The following GSK3B variants were observed in gnomAD, a reference collection of about 807,000 sequenced individuals.
GSK3B encodes glycogen synthase kinase-3 beta.
In GSK3B, 15 loss-of-function variants were observed where a neutral mutation model predicts 56.4. That is an observed-to-expected ratio of 0.27 (90% CI 0.18 to 0.41). The LOEUF is 0.41. Among genes scored for constraint, GSK3B ranks in the 10% least tolerant of loss-of-function variants. The pLI is 1.00. For missense variants in GSK3B, 300 were observed against 513.4 expected, an observed-to-expected ratio of 0.58 and a Z score of 4.02; for synonymous variants, 181 against 188.9, an observed-to-expected ratio of 0.96 and a Z score of 0.34.
intron 1 of GSK3B, among the ~76,000 whole-genome samples, chr3:120,031,388 T>G (rs2057974024): frequency 6.6e-6 from 1 of 152,160 alleles, no homozygotes; most frequent in Non-Finnish European, 1.5e-5. Context: ...GCTTTAGTAC[T>G]AATAATACAA....
At chr3:120,002,344 A>T (rs538791013) in intron 1 of GSK3B, 105 bp from the exon 2 acceptor site, 118 of 451,728 alleles carry the variant, frequency 2.6e-4, no homozygotes, top group Non-Finnish European at 3.2e-4. Flanking sequence ...TTTTTATTTT[A>T]TTTTTTTTTT....
intron 1 of GSK3B, among the ~76,000 whole-genome samples, chr3:120,022,233 T>C (rs1236818557): frequency 6.6e-6 from 1 of 152,200 alleles, no homozygotes; most frequent in African/African-American, 2.4e-5. Flanking sequence ...AAGATGACTA[T>C]TCGCTGAAGG....
chr3:119,897,793 C>CAAAAAAAAAAAAAAAAAA (rs11464173), intron 7 of GSK3B, among the ~76,000 whole-genome samples: 2 of 73,144 alleles, frequency 2.7e-5, no homozygotes, highest in African/African-American at 8.3e-5. Flanking sequence ...GACTCTGTCT[C>CAAAAAAAAAAAAAAAAAA]AAAAAAAAAA....
chr3:119,902,078 A>C (rs1212988468), intron 7 of GSK3B, among the ~76,000 whole-genome samples: 1 of 151,264 alleles, frequency 6.6e-6, no homozygotes, highest in African/African-American at 2.5e-5. Flanking sequence ...AAACGTGAGA[A>C]CTGAACTGGG....
intron 1 of GSK3B, among the ~76,000 whole-genome samples, chr3:120,047,675 G>A (rs2058114926): frequency 3.9e-5 from 6 of 152,194 alleles, no homozygotes; most frequent in Admixed American, 3.3e-4. Flanking sequence ...ACTATGCTGA[G>A]CAATGGAACA....
chr3:119,967,097 T>C (rs1576235393), intron 2 of GSK3B, among the ~76,000 whole-genome samples: 1 of 151,582 alleles, frequency 6.6e-6, no homozygotes. Context: ...TTTTTTTTTT[T>C]AGACGGAGTC....
intron 2 of GSK3B, among the ~76,000 whole-genome samples, chr3:119,990,482 T>C (rs2057554299): frequency 1.3e-5 from 2 of 152,212 alleles, no homozygotes; most frequent in South Asian, 2.1e-4. Flanking sequence ...ACTCTTACAA[T>C]AGATATGCTC....
chr3:119,953,998 TACAGAC>T lies in GSK3B; in HGVS notation c.283-6653_283-6648del, dbSNP rs1377462760. Among the ~76,000 whole-genome samples the T allele has an allele frequency of 5.3e-5, 8 of 152,226 alleles. No homozygotes were observed. The East Asian group carries it at 7.7e-4, about 15-fold the overall frequency. On this transcript the variant is annotated intron_variant, in intron 2 of 10. Coordinates refer to ENST00000264235, the MANE Select transcript of GSK3B (RefSeq NM_001146156.2). Reference sequence around the variant, plus strand: ...TAGAAATCAGATATTATAGTCACTATACAGACACAGACACAGACACACACTCACAAA... The same window carrying T: ...TAGAAATCAGATATTATAGTCACTATACAGACACAGACACACACTCACAAA...
intron 2 of GSK3B, among the ~76,000 whole-genome samples, chr3:119,983,623 G>T (rs2057485311): frequency 6.6e-6 from 1 of 151,852 alleles, no homozygotes; most frequent in South Asian, 2.1e-4. Flanking sequence ...GCCATTACAT[G>T]ATGGTAAAGG....
intron 7 of GSK3B, among the ~76,000 whole-genome samples, chr3:119,899,954 T>C (rs2056609943): frequency 6.6e-6 from 1 of 152,110 alleles, no homozygotes; most frequent in Non-Finnish European, 1.5e-5. Context: ...TTTGCATCTG[T>C]GTTGTACTTT....
chr3:119,877,294 A>G (rs907444789), intron 7 of GSK3B, among the ~76,000 whole-genome samples: 2 of 152,114 alleles, frequency 1.3e-5, no homozygotes, highest in Non-Finnish European at 2.9e-5. Context: ...TTGTTTCAGG[A>G]GCCCCCGAGG....
chr3:120,081,462 G>A lies in GSK3B; in HGVS notation c.88+11885C>T, dbSNP rs7626888. Among the ~76,000 whole-genome samples the A allele has an allele frequency of 6.4e-3, 972 of 152,202 alleles. 12 individuals carry two copies. The highest frequency in any genetic ancestry group is 0.02 in the African/African-American group (829 of 41,538). ...CTGGGGAGGCTGAGGCAGGAGAATC[G>A]CTTGAACCCAGGAGGTGGAGGTTGC... On this transcript the variant is annotated intron_variant, in intron 1 of 10. Transcript: ENST00000264235.
rs148158923 is a variant in GSK3B at position 120,025,456 on chromosome 3, T to C, written c.89-23217A>G. Among the ~76,000 whole-genome samples the C allele has an allele frequency of 7.9e-4, 120 of 151,890 alleles. 2 individuals are homozygous for C. Among genetic ancestry groups the C allele is most frequent in the African/African-American group, 2.5e-3 (103 of 41,400 alleles). ...CAGGGAAGAAAGGAAATCATAATAG[T>C]GAATGCAGAGGGAATCACTTAAGAG... On this transcript the variant is annotated intron_variant, in intron 1 of 10. Coordinates refer to ENST00000264235, the MANE Select transcript of GSK3B (RefSeq NM_001146156.2).
intron 1 of GSK3B, among the ~76,000 whole-genome samples, chr3:120,030,845 G>C (rs756069077): frequency 6.6e-6 from 1 of 152,198 alleles, no homozygotes; most frequent in Non-Finnish European, 1.5e-5. Flanking sequence ...GAGCATATTA[G>C]TCAAGCTATA....
At chr3:119,976,434 A>G (rs1412441324) in intron 2 of GSK3B, among the ~76,000 whole-genome samples, 2 of 152,180 alleles carry the variant, frequency 1.3e-5, no homozygotes, top group Admixed American at 6.5e-5. Flanking sequence ...ACAGGAATCA[A>G]CTTCAAAAAT....
chr3:119,848,334 C>G (rs2055883598), intron 9 of GSK3B, among the ~76,000 whole-genome samples: 1 of 152,142 alleles, frequency 6.6e-6, no homozygotes, highest in Non-Finnish European at 1.5e-5. Flanking sequence ...CCATAACAAG[C>G]TACAGGAGGA....
chr3:119,890,744 T>TAAAAAAAAAA (rs11356363), intron 7 of GSK3B, among the ~76,000 whole-genome samples: 1 of 130,840 alleles, frequency 7.6e-6, no homozygotes, highest in African/African-American at 2.6e-5. Flanking sequence ...ATTTAAAAAG[T>TAAAAAAAAAA]AAAAAAAAAA....
chr3:119,870,789 T>G (rs148932075), intron 8 of GSK3B, among the ~76,000 whole-genome samples: 2 of 151,910 alleles, frequency 1.3e-5, no homozygotes, highest in African/African-American at 4.8e-5. Context: ...CAGAGGGGGG[T>G]TGAATAATAA....
At chr3:119,941,948 A>T (rs762205434) in intron 3 of GSK3B, among the ~76,000 whole-genome samples, 4 of 152,086 alleles carry the variant, frequency 2.6e-5, no homozygotes, top group Non-Finnish European at 5.9e-5. Context: ...TGTCACCCCT[A>T]CCCTTTCCTC....
Sources: allele counts gnomAD v4.1 joint callset (sites outside exome capture counted in the v4.1 genomes callset), GRCh38; gene constraint gnomAD v4.1.1; transcripts MANE v1.5; gene names NCBI Gene and HGNC (gene_info 2026-07-23, HGNC 2026-07-21).